OSBPL2: variants seen among roughly 807,000 people sequenced by gnomAD.
The protein encoded by OSBPL2 is oxysterol-binding protein-related protein 2.
Under a neutral mutation model 58.4 loss-of-function variants are expected in OSBPL2, and 18 were observed. The observed-to-expected ratio is 0.31, with a 90% CI of 0.21 to 0.46. The LOEUF (loss-of-function observed/expected upper bound fraction) is 0.46. Ranked by LOEUF, OSBPL2 falls within the 20% of genes least tolerant of loss-of-function variation. The probability of loss-of-function intolerance (pLI) is 1.00; values close to 1 mark genes in which losing one functional copy is unlikely to be tolerated. For missense variants in OSBPL2, 461 were observed against 616.5 expected (o/e 0.75, Z 2.67); for synonymous variants, 221 against 234.1 (o/e 0.94, Z 0.51).
At chr20:62,246,213 CA>C (rs1980105917) in intron 1 of OSBPL2, among the ~76,000 whole-genome samples, 1 of 152,254 alleles carries the variant, frequency 6.6e-6, no homozygotes, top group African/African-American at 2.4e-5. Context: ...GGCTCAGCCC[CA>C]TGGGGCCCCG....
At chr20:62,291,245 A>T in intron 12 of OSBPL2, 1 of 145,142 alleles carries the variant, frequency 6.9e-6, no homozygotes, top group South Asian at 7.3e-5. Context: ...TTGTATTCAG[A>T]ATGTGTGCCC....
chr20:62,279,123 T>C, intron 6 of OSBPL2, 34 bp from the exon 7 acceptor site: 1 of 1,570,138 alleles, frequency 6.4e-7, no homozygotes. Flanking sequence ...TTTGCTGCCA[T>C]TAATGTGTCT....
chr20:62,247,449 C>CGGGA (rs1568824642), intron 1 of OSBPL2, among the ~76,000 whole-genome samples: 1 of 152,196 alleles, frequency 6.6e-6, no homozygotes. Flanking sequence ...CGAAGCTCAG[C>CGGGA]GGGACCGCGG....
chr20:62,290,195 G>A (rs1458222469), intron 12 of OSBPL2, among the ~76,000 whole-genome samples: 1 of 152,112 alleles, frequency 6.6e-6, no homozygotes, highest in Non-Finnish European at 1.5e-5. Context: ...CCTGGCTGAG[G>A]AGGCAAATCC....
At position 62,288,724 on chromosome 20, in the gene OSBPL2, G is replaced by C. The variant is rs147804910; in HGVS notation, c.1126-483G>C. Among the ~76,000 whole-genome samples, 2 of 152,162 alleles carry C rather than the reference G, an allele frequency of 1.3e-5. No homozygotes were observed. The highest frequency in any genetic ancestry group is 1.3e-4 in the Admixed American group (2 of 15,280). Reference sequence around the variant, plus strand: ...GCAAGGCTCTGGGAGTCCTGGGCACGGGGGGACTGTCATACCCTAAGCATT... The same window carrying C: ...GCAAGGCTCTGGGAGTCCTGGGCACCGGGGGACTGTCATACCCTAAGCATT... On this transcript the variant is annotated intron_variant, in intron 11 of 13. Coordinates refer to ENST00000313733, the MANE Select transcript of OSBPL2 (RefSeq NM_144498.4). This position sits in a 1 kb window ranked among gnomAD's most constrained non-coding sequence, Gnocchi z 4.8.
chr20:62,267,503 G>A (rs923826416), intron 4 of OSBPL2, among the ~76,000 whole-genome samples: 1 of 152,196 alleles, frequency 6.6e-6, no homozygotes, highest in Admixed American at 6.5e-5. Flanking sequence ...TGTCCAGGGA[G>A]AGAAGGAGAA....
chr20:62,243,359 C>T (rs1482443072), intron 1 of OSBPL2, among the ~76,000 whole-genome samples: 1 of 152,214 alleles, frequency 6.6e-6, no homozygotes, highest in Non-Finnish European at 1.5e-5. Context: ...GAAGCAGAGC[C>T]AGGGCAGTGC....
At chr20:62,246,380 C>T (rs1310693680) in intron 1 of OSBPL2, among the ~76,000 whole-genome samples, 1 of 152,256 alleles carries the variant, frequency 6.6e-6, no homozygotes, top group Non-Finnish European at 1.5e-5. Context: ...ATGACATTTC[C>T]AGTGCCATGG....
intron 13 of OSBPL2, among the ~76,000 whole-genome samples, chr20:62,293,015 C>A (rs1983622434): frequency 6.6e-6 from 1 of 151,854 alleles, no homozygotes; most frequent in South Asian, 2.1e-4. Context: ...ACTACAGGTG[C>A]CTGCCACCAC....
chr20:62,276,313 TG>T (rs1982385835), intron 6 of OSBPL2, among the ~76,000 whole-genome samples: 1 of 152,242 alleles, frequency 6.6e-6, no homozygotes. Flanking sequence ...TAAAAGTGCG[TG>T]CCCATGTTTG....
chr20:62,279,929 T>A, intron 7 of OSBPL2: 2 of 1,298,904 alleles, frequency 1.5e-6, no homozygotes, highest in South Asian at 2.5e-5. Context: ...GGTTGGAATT[T>A]GAAACAGCGT....
At chr20:62,262,353 T>G (rs1457533614) in intron 3 of OSBPL2, among the ~76,000 whole-genome samples, 1 of 152,228 alleles carries the variant, frequency 6.6e-6, no homozygotes, top group African/African-American at 2.4e-5. Context: ...CAGCTCCCTC[T>G]GCTCCCTTGG....
chr20:62,281,554 T>A (rs1463108982), intron 8 of OSBPL2: 1 of 532,118 alleles, frequency 1.9e-6, no homozygotes, highest in African/African-American at 1.9e-5. Flanking sequence ...CGATGCATCA[T>A]AAGACTCGCC....
intron 12 of OSBPL2, chr20:62,291,471 C>T: frequency 1.8e-6 from 1 of 547,040 alleles, no homozygotes; most frequent in South Asian, 1.9e-5. Context: ...GAACACGCAG[C>T]ACATGCAGCC....
At chr20:62,259,954 A>G in intron 2 of OSBPL2, 27 bp from the exon 3 acceptor site, 10 of 1,604,918 alleles carry the variant, frequency 6.2e-6, no homozygotes, top group Non-Finnish European at 8.5e-6. Context: ...GGTCCAGCGA[A>G]AATGACCATT....
Position 62,289,904 on chromosome 20 carries a change from CACAA to C in OSBPL2, c.1249+583_1249+586del, listed in dbSNP as rs924408248. On this transcript the variant is annotated intron_variant, in intron 12 of 13. Transcript: ENST00000313733. ...AGGGCGACAGAGTGAGACCCTGCCTCACAAACAAACAACAACAACAAAAAACACA... is the reference window on the plus strand; with the variant it reads ...AGGGCGACAGAGTGAGACCCTGCCTCACAAACAACAACAACAAAAAACACA... Among the ~76,000 whole-genome samples the C allele has an allele frequency of 1.2e-4, 18 of 152,208 alleles. 1 individual carries two copies. In the South Asian group the frequency reaches 1.9e-3, roughly 16 times the overall value.
At chr20:62,275,966 G>A (rs6089341) in intron 6 of OSBPL2, among the ~76,000 whole-genome samples, 60,033 of 150,040 alleles carry the variant, frequency 0.4, 12,867 homozygotes, top group East Asian at 0.52. Flanking sequence ...CTGGAGGGCA[G>A]TGGCATGATC....
In OSBPL2 at chr20:62,269,477, CG is replaced by C. The variant is rs555698347; in HGVS notation, c.259-2642del. Reference sequence around the variant, plus strand: ...CATCACTGTGCATTTCCACAGCAGCCGGGGGGCTTTCCCTGGGTGGGAGTTG... The same window carrying C: ...CATCACTGTGCATTTCCACAGCAGCCGGGGGCTTTCCCTGGGTGGGAGTTG... On this transcript the variant is annotated intron_variant, in intron 4 of 13. Coordinates refer to ENST00000313733, the MANE Select transcript of OSBPL2 (RefSeq NM_144498.4). The surrounding 1 kb of genome is among the most constrained non-coding windows in gnomAD (Gnocchi z 4.2). Among the ~76,000 whole-genome samples, 67 of 152,242 alleles carry C rather than the reference CG, an allele frequency of 4.4e-4. No homozygotes were observed. The highest frequency in any genetic ancestry group is 1.6e-3 in the African/African-American group (66 of 41,534).
chr20:62,239,669 G>A (rs1979588334), intron 1 of OSBPL2, among the ~76,000 whole-genome samples: 1 of 152,222 alleles, frequency 6.6e-6, no homozygotes, highest in Non-Finnish European at 1.5e-5. Flanking sequence ...CCAGCTGGAT[G>A]TGTGGTGAGG....
Sources: allele counts gnomAD v4.1 joint callset (sites outside exome capture counted in the v4.1 genomes callset), GRCh38; gene constraint gnomAD v4.1.1; non-coding constraint Gnocchi (gnomAD v3.1); transcripts MANE v1.5; gene names NCBI Gene and HGNC (gene_info 2026-07-23, HGNC 2026-07-21).